TNFAIP8: variants seen among roughly 807,000 people sequenced by gnomAD.
TNFAIP8 encodes tumor necrosis factor alpha-induced protein 8.
A neutral mutation model predicts 13.3 loss-of-function variants in TNFAIP8; 7 were observed. The ratio of observed to expected loss-of-function variants is 0.52; its 90% CI spans 0.30 to 0.99. TNFAIP8 has a LOEUF of 0.99. Among genes scored for constraint, TNFAIP8 ranks in the 50% least tolerant of loss-of-function variants. The pLI is 0.07. For synonymous variants in TNFAIP8, 94 were observed against 87.6 expected (o/e 1.07, Z -0.41); for missense variants, 258 against 236.9 (o/e 1.09, Z -0.58).
intron 1 of TNFAIP8, among the ~76,000 whole-genome samples, chr5:119,307,471 A>G (rs1749600425): frequency 6.6e-6 from 1 of 152,220 alleles, no homozygotes; most frequent in Non-Finnish European, 1.5e-5. Flanking sequence ...TGTTAGAAAG[A>G]ACCAAACACA....
intron 1 of TNFAIP8, among the ~76,000 whole-genome samples, chr5:119,381,169 G>A (rs966247299): frequency 1.3e-5 from 2 of 152,188 alleles, no homozygotes; most frequent in African/African-American, 4.8e-5. Flanking sequence ...TTCTGTGGTG[G>A]ACGGCCCATG....
intron 1 of TNFAIP8, chr5:119,306,352 T>C (rs965801118): frequency 2.1e-5 from 3 of 145,412 alleles, no homozygotes; most frequent in African/African-American, 7.9e-5. Context: ...CAAGATGGGG[T>C]GTCTCTATGT....
At chr5:119,299,158 A>G (rs1245934616) in intron 1 of TNFAIP8, among the ~76,000 whole-genome samples, 28 of 152,312 alleles carry the variant, frequency 1.8e-4, no homozygotes, top group Admixed American at 5.9e-4. Context: ...GAGGAACTGC[A>G]TTCCTTTGGA....
In TNFAIP8 at chr5:119,394,639, C is replaced by CTTTTT. The variant is rs1753030398; in HGVS notation, c.*1259_*1260insTTTTT. The CTTTTT allele has an allele frequency of 8.8e-6, 1 of 114,056 alleles. No individual in the cohort carries two copies. The highest frequency in any genetic ancestry group is 4.8e-5 in the African/African-American group (1 of 20,876). 7.1% of individuals were successfully genotyped at this position (114,056 alleles called of 1,614,324 possible). A position where few individuals can be genotyped will look rare whatever the true frequency, so the allele number is the denominator to read the frequency against. On this transcript the variant is annotated 3_prime_UTR_variant, in exon 2 of 2. Coordinates refer to ENST00000504771, the MANE Select transcript of TNFAIP8 (RefSeq NM_014350.4). ...TTTTTTTTTTTTTTTTTGAGTCTCG[C>CTTTTT]TCTGTTGTTTAGGCTAGAATGCAGT...
upstream of TNFAIP8, among the ~76,000 whole-genome samples, chr5:119,353,633 T>C (rs1751260878): frequency 1.6e-5 from 2 of 127,770 alleles, no homozygotes; most frequent in South Asian, 4.9e-4. Flanking sequence ...GAAGCTAACA[T>C]GAATCTAAAA....
At chr5:119,351,788 C>CTTTTTTTTTTTTTTTTTTTTT (rs1177061965), upstream of TNFAIP8, among the ~76,000 whole-genome samples, 4 of 138,240 alleles carry the variant, frequency 2.9e-5, no homozygotes, top group African/African-American at 5.9e-5. Context: ...TTTTCTTTTT[C>CTTTTTTTTTTTTTTTTTTTTT]TTTTTTTCTT....
intron 1 of TNFAIP8, among the ~76,000 whole-genome samples, chr5:119,389,619 A>G (rs994591965): frequency 7.9e-5 from 12 of 152,202 alleles, no homozygotes; most frequent in African/African-American, 2.9e-4. Flanking sequence ...CACAAGCCCC[A>G]GTTGGCTTCA....
upstream of TNFAIP8, chr5:119,355,240 G>A (rs561523295): frequency 4.4e-6 from 3 of 689,180 alleles, no homozygotes; most frequent in African/African-American, 5.3e-5. Flanking sequence ...CCCAGTTTTT[G>A]CTGGTAGCCG....
chr5:119,360,704 G>A (rs1751599811), intron 1 of TNFAIP8, among the ~76,000 whole-genome samples: 1 of 152,142 alleles, frequency 6.6e-6, no homozygotes, highest in African/African-American at 2.4e-5. Context: ...ACAGGTTTTA[G>A]CATCCTGGGT....
intron 1 of TNFAIP8, among the ~76,000 whole-genome samples, chr5:119,279,305 C>G (rs1399874343): frequency 6.6e-6 from 1 of 152,212 alleles, no homozygotes; most frequent in Non-Finnish European, 1.5e-5. Context: ...GCCACAAACA[C>G]CCTCTTTTTC....
At chr5:119,298,601 C>T (rs1209544587) in intron 1 of TNFAIP8, among the ~76,000 whole-genome samples, 16 of 151,852 alleles carry the variant, frequency 1.1e-4, no homozygotes, top group East Asian at 9.7e-4. Context: ...TTGCTCTTCT[C>T]GAGGAGTATC....
intron 1 of TNFAIP8, among the ~76,000 whole-genome samples, chr5:119,327,462 G>T (rs990545455): frequency 6.6e-6 from 1 of 151,986 alleles, no homozygotes; most frequent in Non-Finnish European, 1.5e-5. Context: ...GGGTTTTTTT[G>T]TTTGTTTGTT....
At chr5:119,389,771 G>C (rs544438154) in intron 1 of TNFAIP8, among the ~76,000 whole-genome samples, 2 of 152,144 alleles carry the variant, frequency 1.3e-5, no homozygotes, top group South Asian at 2.1e-4. Context: ...ATAACCCAAA[G>C]AATAAAAGGA....
At chr5:119,326,027 G>A (rs536571100) in intron 1 of TNFAIP8, among the ~76,000 whole-genome samples, 2 of 152,250 alleles carry the variant, frequency 1.3e-5, no homozygotes, top group Non-Finnish European at 2.9e-5. Flanking sequence ...GTCTGCTGCC[G>A]CTTTTTCCCA....
chr5:119,281,634 T>C (rs1159753909), intron 1 of TNFAIP8, among the ~76,000 whole-genome samples: 2 of 152,236 alleles, frequency 1.3e-5, no homozygotes, highest in African/African-American at 4.8e-5. Flanking sequence ...ATACTAATTC[T>C]TTCCCACCTT....
intron 1 of TNFAIP8, among the ~76,000 whole-genome samples, chr5:119,327,851 T>C (rs1289416442): frequency 6.6e-6 from 1 of 152,212 alleles, no homozygotes; most frequent in African/African-American, 2.4e-5. Context: ...GAAATTAAGT[T>C]ACTATTTCAA....
chr5:119,383,503 G>A lies in TNFAIP8; in HGVS notation c.32-9313G>A, dbSNP rs143744864. Among the ~76,000 whole-genome samples the A allele has an allele frequency of 4.7e-3, 722 of 152,258 alleles. 10 individuals carry two copies. In the South Asian group the frequency reaches 0.048, roughly 10 times the overall value. On this transcript the variant is annotated intron_variant, in intron 1 of 1. Coordinates refer to ENST00000504771, the MANE Select transcript of TNFAIP8 (RefSeq NM_014350.4). ...TGTGTGGGAACAAAGGTCATAGCCC[G>A]TATTTCTCCAGCATTTTACCATTTT...
intron 1 of TNFAIP8, among the ~76,000 whole-genome samples, chr5:119,376,558 T>TCCC (rs530865174): frequency 3.5e-5 from 5 of 144,388 alleles, no homozygotes; most frequent in South Asian, 2.1e-4. Flanking sequence ...TTCATTGTCT[T>TCCC]CCCACCCCCC....
chr5:119,338,816 T>C (rs1349095340), intron 1 of TNFAIP8, among the ~76,000 whole-genome samples: 1 of 152,128 alleles, frequency 6.6e-6, no homozygotes, highest in African/African-American at 2.4e-5. Flanking sequence ...GATTTAGCAG[T>C]TCAGTGATGT....
Sources: gnomAD v4.1 joint callset for allele counts (sites outside exome capture counted in the v4.1 genomes callset) on GRCh38, gnomAD v4.1.1 for gene constraint, MANE v1.5 for transcripts, NCBI Gene and HGNC (gene_info 2026-07-23, HGNC 2026-07-21) for gene names.